The following JAK1 variants were observed in gnomAD, a reference collection of about 807,000 sequenced individuals.
The protein encoded by JAK1 is tyrosine-protein kinase JAK1.
JAK1 carries 16 observed loss-of-function variants against 136.6 expected under a neutral mutation model. The observed-to-expected ratio is 0.12, with a 90% confidence interval of 0.08 to 0.18. The LOEUF (loss-of-function observed/expected upper bound fraction) is 0.18, where lower values mean the gene tolerates loss of function less well. Ranked by LOEUF, JAK1 falls within the 10% of genes least tolerant of loss-of-function variation. The pLI is 1.00. For missense variants in JAK1, 859 were observed against 1,450.1 expected (o/e 0.59, Z 6.62); for synonymous variants, 492 against 519.5 (o/e 0.95, Z 0.72).
At chr1:64,963,081 AAAT>A (rs1646312047) in intron 1 of JAK1, among the ~76,000 whole-genome samples, 1 of 152,152 alleles carries the variant, frequency 6.6e-6, no homozygotes, top group African/African-American at 2.4e-5. Flanking sequence ...CGAAAAATAA[AAAT>A]AATAATAAAA....
intron 2 of JAK1, among the ~76,000 whole-genome samples, chr1:65,032,026 C>T (rs1358185445): frequency 6.7e-6 from 1 of 148,318 alleles, no homozygotes; most frequent in Non-Finnish European, 1.5e-5. Flanking sequence ...AGTGCAGTGG[C>T]GCGATCTCAG....
chr1:64,996,453 G>A (rs1046856445), intron 2 of JAK1, among the ~76,000 whole-genome samples: 1 of 152,190 alleles, frequency 6.6e-6, no homozygotes, highest in Non-Finnish European at 1.5e-5. Context: ...AATTAAAAAT[G>A]TAGACACATA....
chr1:64,888,879 A>C (rs971279453), intron 1 of JAK1, among the ~76,000 whole-genome samples: 5 of 152,174 alleles, frequency 3.3e-5, no homozygotes, highest in African/African-American at 1.2e-4. Flanking sequence ...CAAAATCTCT[A>C]CTCTCAGGGA....
At chr1:65,038,193 C>A (rs1233385196) in intron 2 of JAK1, among the ~76,000 whole-genome samples, 1 of 143,052 alleles carries the variant, frequency 7.0e-6, no homozygotes, top group African/African-American at 2.6e-5. Context: ...TTTCTTTTTT[C>A]TTTTCTTTTT....
At chr1:64,885,705 G>C (rs1460877032) in intron 2 of JAK1, among the ~76,000 whole-genome samples, 1 of 149,162 alleles carries the variant, frequency 6.7e-6, no homozygotes, top group Non-Finnish European at 1.5e-5. Context: ...CGCGAGCCGA[G>C]ATCACACCAC....
intron 2 of JAK1, among the ~76,000 whole-genome samples, chr1:64,883,837 GTTA>G (rs1203858630): frequency 6.6e-6 from 1 of 152,066 alleles, no homozygotes; most frequent in Non-Finnish European, 1.5e-5. Flanking sequence ...AACCAACAAT[GTTA>G]AAGGACTGAT....
intron 1 of JAK1, among the ~76,000 whole-genome samples, chr1:65,050,713 A>G (rs1293168225): frequency 1.3e-5 from 2 of 152,238 alleles, no homozygotes; most frequent in African/African-American, 4.8e-5. Context: ...TGGACAGGGG[A>G]GGCAGTGTAT....
chr1:64,980,304 T>G (rs1389711478), intron 2 of JAK1, among the ~76,000 whole-genome samples: 1 of 152,142 alleles, frequency 6.6e-6, no homozygotes, highest in Non-Finnish European at 1.5e-5. Flanking sequence ...CTACTCTGTT[T>G]TGCACCATGT....
chr1:64,833,589 A>G lies in JAK1; in HGVS notation c.*973T>C, dbSNP rs1476217545. On this transcript the variant is annotated 3_prime_UTR_variant, in exon 25 of 25. Transcript: ENST00000342505. Reference sequence around the variant, plus strand: ...AGCCGGGTCTTTCAAGTGTTGCACCACAGGGTGATGATTGATGGTAAAAAC... The same window carrying G: ...AGCCGGGTCTTTCAAGTGTTGCACCGCAGGGTGATGATTGATGGTAAAAAC... 2 of 232,930 alleles carry G rather than the reference A, an allele frequency of 8.6e-6. No homozygotes were observed. Among genetic ancestry groups the G allele is most frequent in the Non-Finnish European group, 1.7e-5 (2 of 117,868 alleles). The allele number at this position is 232,930 out of a possible 1,614,324, so 14.4% of individuals were successfully genotyped here. A position where few individuals can be genotyped will look rare whatever the true frequency, so the allele number is the denominator to read the frequency against.
At chr1:64,858,494 G>T (rs899599494) in intron 9 of JAK1, among the ~76,000 whole-genome samples, 9 of 152,150 alleles carry the variant, frequency 5.9e-5, no homozygotes, top group African/African-American at 1.7e-4. Flanking sequence ...GTGCTTTAAG[G>T]CCTGGCAAGC....
intron 1 of JAK1, among the ~76,000 whole-genome samples, chr1:65,052,256 T>G (rs1348494779): frequency 2.0e-5 from 3 of 151,954 alleles, no homozygotes; most frequent in African/African-American, 7.3e-5. Context: ...TTCTTGTACT[T>G]GGCAATCTCC....
At chr1:65,033,497 T>A (rs1259684787) in intron 2 of JAK1, among the ~76,000 whole-genome samples, 1 of 152,140 alleles carries the variant, frequency 6.6e-6, no homozygotes, top group Non-Finnish European at 1.5e-5. Context: ...TCAACTCCTG[T>A]ATCTCCAGAA....
intron 1 of JAK1, among the ~76,000 whole-genome samples, chr1:65,047,664 C>T (rs548412807): frequency 6.6e-6 from 1 of 151,372 alleles, no homozygotes; most frequent in African/African-American, 2.4e-5. Context: ...GCTTGCAGTG[C>T]GCCGAGATCA....
chr1:64,954,194 T>C (rs1448444374), intron 1 of JAK1, among the ~76,000 whole-genome samples: 1 of 152,204 alleles, frequency 6.6e-6, no homozygotes, highest in Non-Finnish European at 1.5e-5. Flanking sequence ...ACATGTTTTG[T>C]TGTTGTTTTC....
chr1:65,052,271 G>A (rs959246887), intron 1 of JAK1, among the ~76,000 whole-genome samples: 4 of 151,990 alleles, frequency 2.6e-5, no homozygotes, highest in Admixed American at 1.3e-4. Context: ...ATCTCCTCCA[G>A]TGGGAATCCT....
intron 2 of JAK1, among the ~76,000 whole-genome samples, chr1:64,986,389 G>T (rs767340462): frequency 3.9e-5 from 6 of 152,080 alleles, no homozygotes; most frequent in Non-Finnish European, 5.9e-5. Flanking sequence ...TTACAGGTGT[G>T]AGCCACTGTA....
intron 5 of JAK1, among the ~76,000 whole-genome samples, chr1:64,870,123 G>A (rs925529144): frequency 1.3e-5 from 2 of 152,200 alleles, no homozygotes; most frequent in African/African-American, 4.8e-5. Context: ...GCTTTGTACA[G>A]AGTGAAAACG....
At chr1:64,993,363 G>C (rs985873312) in intron 2 of JAK1, 8 of 152,258 alleles carry the variant, frequency 5.3e-5, no homozygotes, top group African/African-American at 1.9e-4. Flanking sequence ...CTGCTGTAGA[G>C]AGGATAACAC....
chr1:64,850,763 G>T, intron 12 of JAK1, 41 bp downstream of exon 12: 1 of 1,355,660 alleles, frequency 7.4e-7, no homozygotes, highest in South Asian at 1.2e-5. Context: ...TCGTGGGGAG[G>T]CAGGACCACA....
Sources: allele counts gnomAD v4.1 joint callset (sites outside exome capture counted in the v4.1 genomes callset), GRCh38; gene constraint gnomAD v4.1.1; transcripts MANE v1.5; gene names NCBI Gene and HGNC (gene_info 2026-07-23, HGNC 2026-07-21).